The following PRELID2 variants were observed in gnomAD, a reference collection of about 807,000 sequenced individuals.
The protein encoded by PRELID2 is PRELI domain containing 2.
PRELID2 carries 25 observed loss-of-function variants against 28.4 expected under a neutral mutation model. The observed-to-expected ratio is 0.88, with a 90% CI of 0.64 to 1.23. PRELID2 has a LOEUF of 1.23. Among genes scored for constraint, PRELID2 ranks in the 50% most tolerant of loss-of-function variants. PRELID2 has a pLI of 0.00. For synonymous variants in PRELID2, 76 were observed against 71.6 expected (o/e 1.06, Z -0.31); for missense variants, 201 against 214.4 (o/e 0.94, Z 0.39).
the PRELID2 span, among the ~76,000 whole-genome samples, chr5:145,300,700 C>CTTTTTTTTT: frequency 7.8e-6 from 1 of 128,422 alleles, no homozygotes; most frequent in Non-Finnish European, 1.6e-5. Context: ...TTTTTATTTA[C>CTTTTTTTTT]TTTTTTTTTT....
At chr5:145,568,347 A>T (rs1752986594) in intron 1 of PRELID2, among the ~76,000 whole-genome samples, 1 of 152,174 alleles carries the variant, frequency 6.6e-6, no homozygotes, top group Non-Finnish European at 1.5e-5. Context: ...ATTAACTCTT[A>T]TCCCTATCAC....
rs376575414 is a variant in PRELID2, at chr5:145,618,478, T to C, written n.71-145163A>G. Among the ~76,000 whole-genome samples the C allele has an allele frequency of 9.8e-5, 15 of 152,340 alleles. No individual in the cohort carries two copies. The East Asian group carries it at 2.3e-3, about 23-fold the overall frequency. ...TCTGGGTCTAGCCACTCAGCAAGTC[T>C]ACCAGGCTCTAGGCTGGTACTGGGG... On this transcript the variant is annotated intron_variant and non_coding_transcript_variant, in intron 1 of 2. Coordinates refer to the PRELID2 transcript ENST00000510259.
At chr5:145,406,422 A>T in the PRELID2 span, among the ~76,000 whole-genome samples, 1 of 152,236 alleles carries the variant, frequency 6.6e-6, no homozygotes, top group Non-Finnish European at 1.5e-5. Flanking sequence ...AACTATCAAC[A>T]GTCTTTTAGA....
intron 1 of PRELID2, among the ~76,000 whole-genome samples, chr5:145,824,425 CGT>C (rs369429281): frequency 0.02 from 1,948 of 96,234 alleles, 36 homozygotes; most frequent in Middle Eastern, 0.03. Context: ...CCACAGCAGG[CGT>C]GTGTGTGTGT....
the PRELID2 span, among the ~76,000 whole-genome samples, chr5:145,419,929 A>T: frequency 7.2e-5 from 11 of 152,154 alleles, no homozygotes; most frequent in African/African-American, 2.6e-4. Context: ...GAAGGGATCC[A>T]GTTTCAGCTT....
the PRELID2 span, among the ~76,000 whole-genome samples, chr5:145,302,991 T>C: frequency 6.6e-6 from 1 of 152,188 alleles, no homozygotes; most frequent in African/African-American, 2.4e-5. Flanking sequence ...TTTTAAGCTT[T>C]ATAATCACAG....
chr5:145,764,140 G>A (rs1028909373), intron 6 of PRELID2, among the ~76,000 whole-genome samples: 3 of 152,128 alleles, frequency 2.0e-5, no homozygotes, highest in African/African-American at 7.2e-5. Flanking sequence ...TCTGTAAGAT[G>A]TAAACCTATC....
chr5:145,533,004 G>A (rs535794219), intron 1 of PRELID2, among the ~76,000 whole-genome samples: 70 of 152,174 alleles, frequency 4.6e-4, no homozygotes, highest in Middle Eastern at 3.4e-3. Flanking sequence ...AGGTCATATG[G>A]TAATTCTATA....
At chr5:145,285,823 C>A in the PRELID2 span, among the ~76,000 whole-genome samples, 1 of 152,138 alleles carries the variant, frequency 6.6e-6, no homozygotes, top group African/African-American at 2.4e-5. Context: ...AGATCTTAAA[C>A]AATTCAAGTA....
At chr5:145,399,784 T>C in the PRELID2 span, among the ~76,000 whole-genome samples, 1 of 152,070 alleles carries the variant, frequency 6.6e-6, no homozygotes, top group Admixed American at 6.6e-5. Context: ...CTCACAATCA[T>C]GGCAGAAGGC....
chr5:145,395,319 A>G, the PRELID2 span, among the ~76,000 whole-genome samples: 3 of 152,158 alleles, frequency 2.0e-5, no homozygotes, highest in Non-Finnish European at 4.4e-5. Flanking sequence ...AGGAAATTCA[A>G]TGCTCCAGGA....
At chr5:145,718,219 G>A (rs751448223) in intron 1 of PRELID2, among the ~76,000 whole-genome samples, 1 of 151,864 alleles carries the variant, frequency 6.6e-6, no homozygotes, top group Non-Finnish European at 1.5e-5. Flanking sequence ...AAAAATAAGA[G>A]CTTAGCAATG....
chr5:145,400,475 G>A, the PRELID2 span, among the ~76,000 whole-genome samples: 12 of 152,004 alleles, frequency 7.9e-5, no homozygotes, highest in Non-Finnish European at 1.3e-4. Flanking sequence ...TGCATTTAAT[G>A]TTCCTACAGT....
chr5:145,658,033 C>T (rs1754425971), intron 1 of PRELID2, among the ~76,000 whole-genome samples: 1 of 152,172 alleles, frequency 6.6e-6, no homozygotes, highest in Admixed American at 6.5e-5. Flanking sequence ...CAGTGTGCTA[C>T]AGACAATTCA....
At chr5:145,265,759 T>G in the PRELID2 span, among the ~76,000 whole-genome samples, 40 of 152,250 alleles carry the variant, frequency 2.6e-4, no homozygotes, top group African/African-American at 8.9e-4. Flanking sequence ...GCAAGCCACA[T>G]GTAGAAGAAT....
intron 4 of PRELID2, among the ~76,000 whole-genome samples, chr5:145,804,897 G>A (rs1271664284): frequency 6.6e-6 from 1 of 152,122 alleles, no homozygotes; most frequent in Non-Finnish European, 1.5e-5. Flanking sequence ...GGGATATCAG[G>A]CCCAACAGTG....
chr5:145,780,146 C>G (rs1007000766), intron 5 of PRELID2, among the ~76,000 whole-genome samples: 3 of 152,162 alleles, frequency 2.0e-5, no homozygotes, highest in Non-Finnish European at 1.5e-5. Flanking sequence ...AACCCCATCT[C>G]TACTAAAAAT....
intron 5 of PRELID2, among the ~76,000 whole-genome samples, chr5:145,779,607 G>A (rs145239693): frequency 0.019 from 2,931 of 152,090 alleles, 35 homozygotes; most frequent in Middle Eastern, 0.092. Context: ...TAAAATTTGC[G>A]TATGAGACTA....
At chr5:145,767,622 T>G (rs1187747915) in intron 5 of PRELID2, among the ~76,000 whole-genome samples, 1 of 152,170 alleles carries the variant, frequency 6.6e-6, no homozygotes, top group Non-Finnish European at 1.5e-5. Flanking sequence ...CTGCTCCTAC[T>G]GGTTGTCCAA....
Sources: allele counts gnomAD v4.1 joint callset (sites outside exome capture counted in the v4.1 genomes callset), GRCh38; gene constraint gnomAD v4.1.1; transcripts MANE v1.5; gene names NCBI Gene and HGNC (gene_info 2026-07-23, HGNC 2026-07-21).